EP400: variants seen among roughly 807,000 people sequenced by gnomAD.
EP400 encodes the protein E1A-binding protein p400.
In EP400, 105 loss-of-function variants were observed where a neutral mutation model predicts 354.1. The ratio of observed to expected loss-of-function variants is 0.30; its 90% CI spans 0.25 to 0.35. The LOEUF is 0.35. Ranked by LOEUF, EP400 falls within the 10% of genes least tolerant of loss-of-function variation. The pLI is 1.00. For missense variants in EP400, 3,280 were observed against 4,121.0 expected (o/e 0.80, Z 5.59); for synonymous variants, 1,646 against 1,716.9 (o/e 0.96, Z 1.02).
intron 2 of EP400, among the ~76,000 whole-genome samples, chr12:131,963,986 T>A (rs1465654755): frequency 3.3e-5 from 5 of 152,054 alleles, no homozygotes; most frequent in Non-Finnish European, 7.4e-5. Flanking sequence ...TTGAGAACAG[T>A]GCAAAACAGA....
Position 132,027,314 on chromosome 12 carries a change from G to C in EP400, c.5015-123G>C. The C allele has an allele frequency of 1.1e-6, 1 of 928,092 alleles. No homozygotes were observed. Among genetic ancestry groups the C allele is most frequent in the Non-Finnish European group, 1.7e-6 (1 of 580,978 alleles). 57.5% of individuals were successfully genotyped at this position (928,092 alleles called of 1,614,324 possible). A position where few individuals can be genotyped will look rare whatever the true frequency, so the allele number is the denominator to read the frequency against. ...GAGGATGAGGACTTGGGGACATGCCGTTGCAGAATGACTTTCTGTGGAGTG... is the reference window on the plus strand; with the variant it reads ...GAGGATGAGGACTTGGGGACATGCCCTTGCAGAATGACTTTCTGTGGAGTG... On this transcript the variant is annotated intron_variant, in intron 25 of 52. Coordinates refer to ENST00000389561, the MANE Select transcript of EP400 (RefSeq NM_015409.5). This position sits in a 1 kb window ranked among gnomAD's most constrained non-coding sequence, Gnocchi z 4.9.
At chr12:131,991,303 TC>T in intron 9 of EP400, 103 bp from the exon 10 acceptor site, 1 of 1,105,466 alleles carries the variant, frequency 9.0e-7, no homozygotes, top group Admixed American at 1.7e-5. Context: ...GTCCTTCCTT[TC>T]CCTGCACGTG....
intron 2 of EP400, among the ~76,000 whole-genome samples, chr12:131,964,216 C>T (rs1891998808): frequency 6.6e-6 from 1 of 152,134 alleles, no homozygotes; most frequent in Non-Finnish European, 1.5e-5. Context: ...CCTGTAATCC[C>T]AGCACTTTGG....
intron 1 of EP400, among the ~76,000 whole-genome samples, chr12:131,950,283 G>A (rs971965781): frequency 2.0e-5 from 3 of 152,088 alleles, no homozygotes; most frequent in Non-Finnish European, 4.4e-5. Context: ...CGCGATCCGC[G>A]CCCATTTCTC....
rs780167777 is a variant in EP400, at chr12:132,025,213, A to G, written c.4856-433A>G. ...AAAGAAGTCAGAAAGATGTAGTCACACAAGATCCAAAGTGGCAGCCTCGTT... is the reference window on the plus strand; with the variant it reads ...AAAGAAGTCAGAAAGATGTAGTCACGCAAGATCCAAAGTGGCAGCCTCGTT... On this transcript the variant is annotated intron_variant, in intron 24 of 52. Coordinates refer to ENST00000389561, the MANE Select transcript of EP400 (RefSeq NM_015409.5). The surrounding 1 kb of genome is among the most constrained non-coding windows in gnomAD (Gnocchi z 4.1). Among the ~76,000 whole-genome samples the G allele has an allele frequency of 1.3e-5, 2 of 152,190 alleles. No homozygotes were observed. The highest frequency in any genetic ancestry group is 2.9e-5 in the Non-Finnish European group (2 of 68,042).
rs193052683 is a variant in EP400 at position 132,033,646 on chromosome 12, C to T, written c.5951+1497C>T. 3.7e-3 allele frequency among the ~76,000 whole-genome samples: 565 copies of T among 152,114 alleles called. 4 individuals carry two copies. The highest frequency in any genetic ancestry group is 0.01 in the Middle Eastern group (3 of 294). On this transcript the variant is annotated intron_variant, in intron 30 of 52. Transcript: ENST00000389561. ...TCCTAGGCTCAGGTAATCCTCCCGG[C>T]TCAGCCTCCCAAGTGGCTGGGACTA...
chr12:132,020,009 G>A (rs1388548718), intron 21 of EP400, 40 bp from the exon 22 acceptor site: 3 of 1,478,032 alleles, frequency 2.0e-6, no homozygotes, highest in East Asian at 2.6e-5. Flanking sequence ...TCTGTGGTCT[G>A]ATGCTCTGTA....
chr12:132,072,359 A>T (rs1896093550), intron 51 of EP400, among the ~76,000 whole-genome samples: 1 of 152,050 alleles, frequency 6.6e-6, no homozygotes, highest in South Asian at 2.1e-4. Flanking sequence ...CACAAATTTT[A>T]TTATTTGGTT....
At position 132,052,231 on chromosome 12, in the gene EP400, A is replaced by G. The variant is rs547638620; in HGVS notation, c.7395-915A>G. ...CGTGTCCTTGGTCTCTTGCCTCGGC[A>G]CCTGAGTGGCTTGCCGCCCACAGTT... On this transcript the variant is annotated intron_variant, in intron 41 of 52. Transcript: ENST00000389561. The surrounding 1 kb of genome is among the most constrained non-coding windows in gnomAD (Gnocchi z 4.4). 2.6e-5 allele frequency among the ~76,000 whole-genome samples: 4 copies of G among 152,284 alleles called. No homozygotes were observed. The highest frequency in any genetic ancestry group is 9.6e-5 in the African/African-American group (4 of 41,558).
chr12:131,979,771 G>C lies in EP400; in HGVS notation c.1413G>C (p.Ala471=). 1.2e-6 allele frequency: 2 copies of C among 1,607,450 alleles called. No individual in the cohort carries two copies. ...CGGACCTGTTTAAGAGGCAGCAGGC[G>C]ATGCCCTCCACAGGTATGGCAGGTA... ...VETDLFKRQQ[A]MPSTGMAEQS... The change falls in exon 3 of 53, where the codon GCG becomes GCC. Residue 471 remains alanine (A), a synonymous_variant. Coordinates refer to ENST00000389561, the MANE Select transcript of EP400 (RefSeq NM_015409.5).
intron 1 of EP400, among the ~76,000 whole-genome samples, chr12:131,954,726 GAAAAAA>G (rs35935376): frequency 1.2e-3 from 98 of 83,734 alleles, no homozygotes; most frequent in Non-Finnish European, 1.8e-3. Flanking sequence ...CTCCATCTCA[GAAAAAA>G]AAAAAAAAAA....
chr12:131,975,346 G>T (rs575055113), intron 2 of EP400, among the ~76,000 whole-genome samples: 1 of 152,160 alleles, frequency 6.6e-6, no homozygotes, highest in Non-Finnish European at 1.5e-5. Flanking sequence ...GTTCCCCATT[G>T]GATTGCCTTA....
rs1458827227 is a variant in EP400 at position 132,070,180 on chromosome 12, AC to A, written c.9021+542del. On this transcript the variant is annotated intron_variant, in intron 51 of 52. Coordinates refer to ENST00000389561, the MANE Select transcript of EP400 (RefSeq NM_015409.5). This position sits in a 1 kb window ranked among gnomAD's most constrained non-coding sequence, Gnocchi z 4.1. Reference sequence around the variant, plus strand: ...GTGGTACCTTCTTAGCTGGTCTTCCACCCTCCTGGAGTTGGTTTTTGGGTAT... The same window carrying A: ...GTGGTACCTTCTTAGCTGGTCTTCCACCTCCTGGAGTTGGTTTTTGGGTAT... Among the ~76,000 whole-genome samples the A allele has an allele frequency of 6.6e-6, 1 of 151,656 alleles. No homozygotes were observed.
intron 12 of EP400, among the ~76,000 whole-genome samples, chr12:132,004,788 G>A (rs1462042731): frequency 6.6e-6 from 1 of 152,174 alleles, no homozygotes; most frequent in African/African-American, 2.4e-5. Context: ...ACCCAAATGT[G>A]TGTTGCACCT....
rs1319149173 is a variant in EP400, at chr12:131,992,363, T to C, written c.2737+133T>C. 8.8e-6 allele frequency: 7 copies of C among 797,768 alleles called. No individual in the cohort carries two copies. The South Asian group carries it at 9.9e-5, about 11-fold the overall frequency. The allele number at this position is 797,768 out of a possible 1,614,324, so 49.4% of individuals were successfully genotyped here. ...AGCTCAACCTTTGTATTTATCCAGA[T>C]GTCTCTCAGTGTATAGAGTACTTTT... On this transcript the variant is annotated intron_variant, in intron 11 of 52. Coordinates refer to ENST00000389561, the MANE Select transcript of EP400 (RefSeq NM_015409.5).
chr12:132,021,152 C>T lies in EP400; in HGVS notation c.4521C>T (p.Ser1507=), dbSNP rs767552801. Residue 1507 remains serine, a synonymous_variant, in exon 23 of 53, where the codon AGC becomes AGT. Coordinates refer to ENST00000389561, the MANE Select transcript of EP400 (RefSeq NM_015409.5). ...GACACCAGCCCGCCTCGGCCTCCAGCACAGCCGCTAGCCCGGCCCATCCTG... is the reference window on the plus strand; with the variant it reads ...GACACCAGCCCGCCTCGGCCTCCAGTACAGCCGCTAGCCCGGCCCATCCTG... ...APRHQPASAS[S]TAASPAHPAK... is the part of the protein sequence containing the mutation. 1 of 1,600,684 alleles carries T rather than the reference C, an allele frequency of 6.2e-7. No individual in the cohort carries two copies. The highest frequency in any genetic ancestry group is 8.5e-7 in the Non-Finnish European group (1 of 1,179,792).
intron 52 of EP400, 23 bp from the exon 53 acceptor site, chr12:132,077,378 G>A (rs1413440324): frequency 1.3e-6 from 2 of 1,599,916 alleles, no homozygotes; most frequent in South Asian, 1.1e-5. Context: ...GGCAATGTGT[G>A]TTTTCTGACT....
intron 2 of EP400, among the ~76,000 whole-genome samples, chr12:131,974,466 G>A (rs1282847194): frequency 6.6e-6 from 1 of 152,054 alleles, no homozygotes; most frequent in Non-Finnish European, 1.5e-5. Context: ...TTTCCTTTTG[G>A]TAGCTGCCAA....
intron 47 of EP400, among the ~76,000 whole-genome samples, chr12:132,063,416 G>T (rs552604806): frequency 1.3e-5 from 2 of 152,206 alleles, no homozygotes; most frequent in South Asian, 4.1e-4. Flanking sequence ...CCCAAGAATC[G>T]CTTGAACCTG....
Sources: gnomAD v4.1 joint callset for allele counts (sites outside exome capture counted in the v4.1 genomes callset) on GRCh38, gnomAD v4.1.1 for gene constraint, Gnocchi (gnomAD v3.1) non-coding constraint, MANE v1.5 for transcripts, NCBI Gene and HGNC (gene_info 2026-07-23, HGNC 2026-07-21) for gene names.